Variants in GNB4 observed in about 807,000 individuals in gnomAD.
GNB4 encodes the protein guanine nucleotide-binding protein subunit beta-4.
GNB4 carries 28 observed loss-of-function variants against 45.2 expected under a neutral mutation model. The ratio of observed to expected loss-of-function variants is 0.62; its 90% CI spans 0.46 to 0.85. The LOEUF (loss-of-function observed/expected upper bound fraction) is 0.85, where lower values mean the gene tolerates loss of function less well. GNB4 is among the 40% of genes least tolerant of loss of function. GNB4 has a pLI of 0.00. For missense variants in GNB4, 321 were observed against 425.4 expected (o/e 0.75, Z 2.16); for synonymous variants, 132 against 143.7 (o/e 0.92, Z 0.58).
the GNB4 span, among the ~76,000 whole-genome samples, chr3:179,502,383 G>A: frequency 7.9e-5 from 12 of 151,476 alleles, no homozygotes; most frequent in African/African-American, 2.2e-4. Context: ...ACAGGCACCC[G>A]CCACCATGCC....
chr3:179,445,575 T>G (rs1332248570), intron 1 of GNB4, among the ~76,000 whole-genome samples: 1 of 152,204 alleles, frequency 6.6e-6, no homozygotes, highest in Non-Finnish European at 1.5e-5. Context: ...CATGAGCCAC[T>G]GCAACTGGCC....
the GNB4 span, among the ~76,000 whole-genome samples, chr3:179,476,027 T>C: frequency 1.3e-5 from 2 of 152,238 alleles, no homozygotes; most frequent in Non-Finnish European, 2.9e-5. Context: ...TAACTTGTTC[T>C]AGTACCAGCT....
chr3:179,475,249 C>G, the GNB4 span, among the ~76,000 whole-genome samples: 1 of 151,992 alleles, frequency 6.6e-6, no homozygotes, highest in Non-Finnish European at 1.5e-5. Context: ...TCCCAAGTAG[C>G]TGGGACTACA....
intron 1 of GNB4, among the ~76,000 whole-genome samples, chr3:179,446,768 G>C (rs1193530981): frequency 6.6e-6 from 1 of 152,186 alleles, no homozygotes; most frequent in Non-Finnish European, 1.5e-5. Context: ...AGCTGTAGCA[G>C]CATCACCAAA....
chr3:179,409,828 CA>C (rs200859882), intron 8 of GNB4, among the ~76,000 whole-genome samples: 2,169 of 111,426 alleles, frequency 0.019, 45 homozygotes, highest in African/African-American at 0.049. Flanking sequence ...AACAAAAAAA[CA>C]AAACAAAAAA....
chr3:179,483,375 C>G, the GNB4 span, among the ~76,000 whole-genome samples: 1 of 151,666 alleles, frequency 6.6e-6, no homozygotes, highest in African/African-American at 2.4e-5. Flanking sequence ...ATTTATATCA[C>G]TCAGTTTATA....
chr3:179,462,917 A>AC, the GNB4 span, among the ~76,000 whole-genome samples: 1 of 152,222 alleles, frequency 6.6e-6, no homozygotes, highest in African/African-American at 2.4e-5. Context: ...AAAGATTCTT[A>AC]CCACCCAACC....
the GNB4 span, among the ~76,000 whole-genome samples, chr3:179,468,031 T>TTAAAA: frequency 3.0e-4 from 20 of 67,270 alleles, no homozygotes; most frequent in African/African-American, 9.1e-4. Flanking sequence ...ATTTTGTTGA[T>TTAAAA]AAAAATATAT....
At chr3:179,469,852 T>C in the GNB4 span, among the ~76,000 whole-genome samples, 2 of 152,192 alleles carry the variant, frequency 1.3e-5, no homozygotes, top group Non-Finnish European at 2.9e-5. Flanking sequence ...GTTAAGATGG[T>C]TACAAGAAAG....
the GNB4 span, among the ~76,000 whole-genome samples, chr3:179,501,778 T>C: frequency 6.6e-6 from 1 of 152,228 alleles, no homozygotes; most frequent in Non-Finnish European, 1.5e-5. Context: ...GAGTTATTTC[T>C]TTTCTCATGT....
upstream of GNB4, among the ~76,000 whole-genome samples, chr3:179,454,290 T>G (rs946632357): frequency 6.6e-6 from 1 of 152,216 alleles, no homozygotes; most frequent in African/African-American, 2.4e-5. Context: ...CGTTTCATCT[T>G]TGTGTCTGCC....
the GNB4 span, among the ~76,000 whole-genome samples, chr3:179,498,180 A>G: frequency 2.6e-5 from 4 of 152,228 alleles, no homozygotes; most frequent in African/African-American, 9.6e-5. Flanking sequence ...AGAAAATGTG[A>G]CATTCATATA....
the GNB4 span, among the ~76,000 whole-genome samples, chr3:179,521,904 T>C: frequency 3.3e-5 from 5 of 152,178 alleles, no homozygotes; most frequent in Admixed American, 3.3e-4. Context: ...TACCACAAAA[T>C]CTTCCTTCAG....
chr3:179,457,419 T>C, the GNB4 span, among the ~76,000 whole-genome samples: 1 of 152,212 alleles, frequency 6.6e-6, no homozygotes, highest in Admixed American at 6.5e-5. Flanking sequence ...GCCTAGAATG[T>C]AATACAGTAC....
intron 2 of GNB4, among the ~76,000 whole-genome samples, chr3:179,425,557 G>A (rs538087399): frequency 5.9e-5 from 9 of 152,238 alleles, no homozygotes; most frequent in South Asian, 2.1e-4. Flanking sequence ...TGCAACCTCC[G>A]TCTCCAGGGA....
At chr3:179,525,700 C>T in the GNB4 span, among the ~76,000 whole-genome samples, 9 of 152,000 alleles carry the variant, frequency 5.9e-5, no homozygotes, top group South Asian at 2.1e-4. Context: ...TTTGGGTCCA[C>T]GGATAAAATG....
At chr3:179,465,034 A>G in the GNB4 span, 3 of 1,505,790 alleles carry the variant, frequency 2.0e-6, no homozygotes, top group East Asian at 4.5e-5. Flanking sequence ...CTGTTACAAT[A>G]TCTTATCGAT....
chr3:179,437,007 A>C (rs565695681), intron 1 of GNB4, among the ~76,000 whole-genome samples: 2 of 152,210 alleles, frequency 1.3e-5, no homozygotes, highest in African/African-American at 4.8e-5. Context: ...TGAATGTGCC[A>C]GGAACTGGGG....
chr3:179,434,556 A>G (rs1220835607), intron 1 of GNB4, among the ~76,000 whole-genome samples: 1 of 151,910 alleles, frequency 6.6e-6, no homozygotes, highest in Non-Finnish European at 1.5e-5. Flanking sequence ...CCCTGTCTCT[A>G]CTAAAAATAC....
Sources: allele counts gnomAD v4.1 joint callset (sites outside exome capture counted in the v4.1 genomes callset), GRCh38; gene constraint gnomAD v4.1.1; transcripts MANE v1.5; gene names NCBI Gene and HGNC (gene_info 2026-07-23, HGNC 2026-07-21).